Variants in SBNO2 observed in about 807,000 individuals in gnomAD.
SBNO2 encodes the protein protein strawberry notch homolog 2.
A neutral mutation model predicts 146.3 loss-of-function variants in SBNO2; 89 were observed. The observed-to-expected ratio is 0.61, with a 90% CI of 0.51 to 0.73. The LOEUF (loss-of-function observed/expected upper bound fraction) is 0.73. Among genes scored for constraint, SBNO2 ranks in the 30% least tolerant of loss-of-function variants. SBNO2 has a pLI of 0.00. For missense variants in SBNO2, 2,092 were observed against 2,003.7 expected (o/e 1.04, Z -0.84); for synonymous variants, 1,147 against 892.6 (o/e 1.29, Z -5.08).
Position 1,122,543 on chromosome 19 carries a change from G to A in SBNO2, c.930C>T (p.Asn310=), listed in dbSNP as rs375931574. The A allele has an allele frequency of 2.4e-5, 37 of 1,549,574 alleles. No individual in the cohort carries two copies. The highest frequency in any genetic ancestry group is 3.0e-5 in the Non-Finnish European group (35 of 1,148,978). The change falls in exon 10 of 32, where the codon AAC becomes AAT. Residue 310 remains asparagine (N), a synonymous_variant. Transcript: ENST00000361757. The part of the protein sequence containing the change: ...RKKALWFSVS[N]DLKYDAERDL... ...CGCGCTCCGCATCGTACTTGAGGTC[G>A]TTGGAGACGCTGAACCTGCGGGGTG...
chr19:1,116,005 G>T lies in SBNO2; in HGVS notation c.1885+16C>A. 1 of 1,601,188 alleles carries T rather than the reference G, an allele frequency of 6.2e-7. No individual in the cohort carries two copies. On this transcript the variant is annotated intron_variant, in intron 17 of 31. Transcript: ENST00000361757. ...GAGGGGCAGGGGTGGGTGGGGCCAT[G>T]GGGGGCAGGGCTTACGTTTCCGCTT...
rs1568633224 is a variant in SBNO2, at chr19:1,158,607, G to A, written c.-126-4205C>T. Among the ~76,000 whole-genome samples the A allele has an allele frequency of 1.3e-5, 2 of 152,344 alleles. No individual in the cohort carries two copies. The highest frequency in any genetic ancestry group is 4.1e-4 in the South Asian group (2 of 4,832). ...GGCCTGCGCCAGCAAAGGCGGACATGGAGGTCTGAGGAGGAGGCGGCGAGG... is the reference window on the plus strand; with the variant it reads ...GGCCTGCGCCAGCAAAGGCGGACATAGAGGTCTGAGGAGGAGGCGGCGAGG... On this transcript the variant is annotated intron_variant, in intron 1 of 31. Coordinates refer to ENST00000361757, the MANE Select transcript of SBNO2 (RefSeq NM_014963.3). The surrounding 1 kb of genome is among the most constrained non-coding windows in gnomAD (Gnocchi z 9.9).
In SBNO2 at chr19:1,116,874, A is replaced by T. The variant is rs1264977017; in HGVS notation, c.1757T>A (p.Leu586Gln). Residue 586 changes from leucine (L) to glutamine (Q), a missense_variant, in exon 16 of 32, where the codon CTG becomes CAG. Coordinates refer to ENST00000361757, the MANE Select transcript of SBNO2 (RefSeq NM_014963.3). ...STGEARTREV[L>Q]GENDGHLNCF... is the part of the protein sequence containing the mutation. Reference sequence around the variant, plus strand: ...GTTGAGGTGCCCATCGTTCTCCCCCAGCACCTCCCGCGTGCGCGCCTCGCC... The same window carrying T: ...GTTGAGGTGCCCATCGTTCTCCCCCTGCACCTCCCGCGTGCGCGCCTCGCC... The T allele has an allele frequency of 6.3e-7, 1 of 1,589,848 alleles. No homozygotes were observed. The highest frequency in any genetic ancestry group is 8.5e-7 in the Non-Finnish European group (1 of 1,171,116).
rs2079704033 is a variant in SBNO2, at chr19:1,108,544, G to A, written c.3777C>T (p.Leu1259=). 8.2e-7 allele frequency: 1 copy of A among 1,224,558 alleles called. No individual in the cohort carries two copies. 75.9% of individuals were successfully genotyped at this position (1,224,558 alleles called of 1,614,324 possible). A position where few individuals can be genotyped will look rare whatever the true frequency, so the allele number is the denominator to read the frequency against. Residue 1259 remains leucine, a synonymous_variant, in exon 32 of 32, where the codon CTC becomes CTT. Transcript: ENST00000361757. ...AGGCCTCGGCCGGGGGGCTGTAGGT[G>A]AGGTCCAGCACCTCTCCGGGGCCGC... ...LPCGPGEVLD[L]TYSPPAEAFP... is the part of the protein sequence containing the mutation.
At position 1,119,887 on chromosome 19, in the gene SBNO2, G is replaced by A; in HGVS notation, c.1267+19C>T. 6.6e-7 allele frequency: 1 copy of A among 1,522,974 alleles called. No homozygotes were observed. Among genetic ancestry groups the A allele is most frequent in the South Asian group, 1.2e-5 (1 of 83,644 alleles). 94.3% of individuals were successfully genotyped at this position (1,522,974 alleles called of 1,614,324 possible). On this transcript the variant is annotated intron_variant, in intron 12 of 31. Coordinates refer to ENST00000361757, the MANE Select transcript of SBNO2 (RefSeq NM_014963.3). ...AGACGCTGCTGCGGGTGGGTCACGTGGGATCCGCACCGCCCCACCTGTGGC... is the reference window on the plus strand; with the variant it reads ...AGACGCTGCTGCGGGTGGGTCACGTAGGATCCGCACCGCCCCACCTGTGGC...
At chr19:1,165,395 G>A (rs1050458345) in intron 1 of SBNO2, among the ~76,000 whole-genome samples, 4 of 152,160 alleles carry the variant, frequency 2.6e-5, no homozygotes, top group South Asian at 4.1e-4. Context: ...GCAGGGTGCC[G>A]GGCACCCCCA....
intron 11 of SBNO2, 88 bp downstream of exon 11, chr19:1,122,051 C>T: frequency 1.1e-6 from 1 of 938,994 alleles, no homozygotes; most frequent in African/African-American, 1.7e-5. Flanking sequence ...CCCCTGACTC[C>T]CACCCCTCCT....
Position 1,108,845 on chromosome 19 carries a change from C to G in SBNO2, c.3550G>C (p.Asp1184His), listed in dbSNP as rs1200590136. 6 of 1,598,870 alleles carry G rather than the reference C, an allele frequency of 3.8e-6. No individual in the cohort carries two copies. The highest frequency in any genetic ancestry group is 5.1e-6 in the Non-Finnish European group (6 of 1,178,074). The change falls in exon 31 of 32, where the codon GAC becomes CAC. Residue 1184 changes from aspartate (D) to histidine (H), a missense_variant. Coordinates refer to ENST00000361757, the MANE Select transcript of SBNO2 (RefSeq NM_014963.3). Reference protein sequence around the residue: ...VWGRIAAVMADVSSSSYLQIV... With the variant: ...VWGRIAAVMAHVSSSSYLQIV... ...TGCAGGTAGCTGCTGCTGCTGACGTCGGCCATGACGGCGGCGATGCGGCCC... is the reference window on the plus strand; with the variant it reads ...TGCAGGTAGCTGCTGCTGCTGACGTGGGCCATGACGGCGGCGATGCGGCCC...
chr19:1,109,266 G>A lies in SBNO2; in HGVS notation c.3348+26C>T. ...CGGGGTCAGGGCCGGCAACCCGAGC[G>A]AAAGCTGCGCCCGGCGGCCGCCTAC... On this transcript the variant is annotated intron_variant, in intron 29 of 31. Coordinates refer to ENST00000361757, the MANE Select transcript of SBNO2 (RefSeq NM_014963.3). The surrounding 1 kb of genome is among the most constrained non-coding windows in gnomAD (Gnocchi z 4.2). The A allele has an allele frequency of 1.9e-6, 3 of 1,583,208 alleles. No individual in the cohort carries two copies. The highest frequency in any genetic ancestry group is 2.6e-6 in the Non-Finnish European group (3 of 1,165,448).
chr19:1,142,238 C>T (rs2080147474), intron 4 of SBNO2, among the ~76,000 whole-genome samples: 1 of 106,322 alleles, frequency 9.4e-6, no homozygotes. Flanking sequence ...AATGACCTCC[C>T]TCACGATCAA....
chr19:1,160,777 G>A (rs1292783546), intron 1 of SBNO2, among the ~76,000 whole-genome samples: 10 of 152,100 alleles, frequency 6.6e-5, no homozygotes, highest in African/African-American at 1.9e-4. Flanking sequence ...TGATCCGCCC[G>A]CCTCGGCCTC....
intron 16 of SBNO2, 52 bp from the exon 17 acceptor site, chr19:1,116,155 G>T (rs891409028): frequency 6.5e-7 from 1 of 1,547,454 alleles, no homozygotes; most frequent in Non-Finnish European, 8.8e-7. Flanking sequence ...AGGCCAGGCG[G>T]GGTTGCTCTC....
Position 1,112,654 on chromosome 19 carries a change from G to A in SBNO2, c.2380-117C>T. 6.9e-7 allele frequency: 1 copy of A among 1,446,770 alleles called. No individual in the cohort carries two copies. Among genetic ancestry groups the A allele is most frequent in the Non-Finnish European group, 9.1e-7 (1 of 1,097,652 alleles). The allele number at this position is 1,446,770 out of a possible 1,614,324, so 89.6% of individuals were successfully genotyped here. On this transcript the variant is annotated intron_variant, in intron 20 of 31. Coordinates refer to ENST00000361757, the MANE Select transcript of SBNO2 (RefSeq NM_014963.3). The surrounding 1 kb of genome is among the most constrained non-coding windows in gnomAD (Gnocchi z 5.9). ...TCACCAGGACGTCCCGGGGCAGCGA[G>A]AGGCCTGCGGGGCGCGGACACCACC...
In SBNO2 at chr19:1,157,396, C is replaced by G. The variant is rs1181162542; in HGVS notation, c.-126-2994G>C. On this transcript the variant is annotated intron_variant, in intron 1 of 31. Transcript: ENST00000361757. This position sits in a 1 kb window ranked among gnomAD's most constrained non-coding sequence, Gnocchi z 6.8. ...CCTCTGCCACGCAGCCCCGGAGACG[C>G]TCTCCCCACGCGGCCCCGGAGACCC... Among the ~76,000 whole-genome samples the G allele has an allele frequency of 1.3e-5, 2 of 148,552 alleles. No individual in the cohort carries two copies. Among genetic ancestry groups the G allele is most frequent in the Non-Finnish European group, 3.0e-5 (2 of 66,328 alleles).
At chr19:1,169,023 G>A (rs11671793) in intron 1 of SBNO2, 40,511 of 152,256 alleles carry the variant, frequency 0.27, 6,352 homozygotes, top group East Asian at 0.45. Flanking sequence ...CGCCTCTTTC[G>A]GTTTCACTTG....
intron 14 of SBNO2, 127 bp from the exon 15 acceptor site, chr19:1,117,626 G>A: frequency 1.1e-6 from 1 of 938,332 alleles, no homozygotes; most frequent in South Asian, 1.7e-5. Flanking sequence ...GCAGGATGGG[G>A]GTGCTGGGGG....
intron 4 of SBNO2, among the ~76,000 whole-genome samples, chr19:1,138,739 CACAG>C (rs2080108066): frequency 6.8e-6 from 1 of 147,402 alleles, no homozygotes; most frequent in Non-Finnish European, 1.5e-5. Flanking sequence ...ACGCCTCCAT[CACAG>C]ACAGACACAG....
chr19:1,119,891 T>TCCGCA lies in SBNO2; in HGVS notation c.1267+10_1267+14dup. 6.5e-7 allele frequency: 1 copy of TCCGCA among 1,533,056 alleles called. No individual in the cohort carries two copies. The highest frequency in any genetic ancestry group is 8.8e-7 in the Non-Finnish European group (1 of 1,137,290). 95.0% of individuals were successfully genotyped at this position (1,533,056 alleles called of 1,614,324 possible). ...GCTGCTGCGGGTGGGTCACGTGGGA[T>TCCGCA]CCGCACCGCCCCACCTGTGGCGCTG... On this transcript the variant is annotated intron_variant, in intron 12 of 31. Coordinates refer to ENST00000361757, the MANE Select transcript of SBNO2 (RefSeq NM_014963.3).
chr19:1,132,680 C>T (rs1319334170), intron 4 of SBNO2, among the ~76,000 whole-genome samples: 2 of 152,222 alleles, frequency 1.3e-5, no homozygotes, highest in African/African-American at 2.4e-5. Flanking sequence ...GGGCTCTCCC[C>T]ACCCCACCCC....
Sources: allele counts gnomAD v4.1 joint callset (sites outside exome capture counted in the v4.1 genomes callset), GRCh38; gene constraint gnomAD v4.1.1; non-coding constraint Gnocchi (gnomAD v3.1); transcripts MANE v1.5; gene names NCBI Gene and HGNC (gene_info 2026-07-23, HGNC 2026-07-21).